The following SBF1 variants were observed in gnomAD, a reference collection of about 807,000 sequenced individuals.
SBF1 encodes the protein myotubularin-related protein 5.
Under a neutral mutation model 215.8 loss-of-function variants are expected in SBF1, and 65 were observed. That is an observed-to-expected ratio of 0.30 (90% CI 0.25 to 0.37). The LOEUF (loss-of-function observed/expected upper bound fraction) is 0.37. SBF1 is among the 10% of genes least tolerant of loss of function. SBF1 has a pLI of 1.00. For synonymous variants in SBF1, 1,410 were observed against 1,122.8 expected (o/e 1.26, Z -5.11); for missense variants, 2,634 against 2,667.8 (o/e 0.99, Z 0.28).
chr22:50,461,709 G>C lies in SBF1; in HGVS notation c.2653C>G (p.Leu885Val). 1 of 1,608,494 alleles carries C rather than the reference G, an allele frequency of 6.2e-7. No individual in the cohort carries two copies. The highest frequency in any genetic ancestry group is 1.1e-5 in the South Asian group (1 of 90,970). The change falls in exon 22 of 41, where the codon CTG becomes GTG. Residue 885 changes from leucine (L) to valine (V), a missense_variant. Physicochemically the swap from Leu to Val is conservative, Grantham distance 32. Coordinates refer to ENST00000380817, the MANE Select transcript of SBF1 (RefSeq NM_002972.4). ...TCACCCGGCAGCAGGCGCGGCCGCAGCAGCTTGGGCTGCTCGAAAACAAGA... is the reference window on the plus strand; with the variant it reads ...TCACCCGGCAGCAGGCGCGGCCGCACCAGCTTGGGCTGCTCGAAAACAAGA... ...RLPPIQKPKL[L>V]RPRLLPGEEC... is the part of the protein sequence containing the mutation.
In SBF1 at chr22:50,446,837, GTTCTAGAAACTCGCC is replaced by G. The variant is rs2148547165; in HGVS notation, c.*290_*304del. The G allele has an allele frequency of 1.4e-6, 1 of 717,902 alleles. No homozygotes were observed. Among genetic ancestry groups the G allele is most frequent in the South Asian group, 1.4e-5 (1 of 72,302 alleles). 44.5% of individuals were successfully genotyped at this position (717,902 alleles called of 1,614,324 possible). A position where few individuals can be genotyped will look rare whatever the true frequency, so the allele number is the denominator to read the frequency against. ...TAGTTCTCTCTTTATATAGACTCTG[GTTCTAGAAACTCGCC>G]TGCAGCCGCTGGCTGGACCAGCACA... On this transcript the variant is annotated 3_prime_UTR_variant, in exon 41 of 41. Coordinates refer to ENST00000380817, the MANE Select transcript of SBF1 (RefSeq NM_002972.4).
chr22:50,463,495 A>G, intron 15 of SBF1, 63 bp from the exon 16 acceptor site: 6 of 1,475,680 alleles, frequency 4.1e-6, no homozygotes, highest in Non-Finnish European at 5.4e-6. Flanking sequence ...GGGCCCTGGC[A>G]GGGAGGGCAG....
At chr22:50,455,177 C>T (rs374891073) in intron 33 of SBF1, 35 bp from the exon 34 acceptor site, 13 of 1,613,782 alleles carry the variant, frequency 8.1e-6, no homozygotes, top group East Asian at 4.5e-5. Context: ...CAGGGCTCAG[C>T]GGTCAGGGTG....
At chr22:50,461,036 G>A (rs2067486096) in intron 23 of SBF1, 123 bp downstream of exon 23, 17 of 1,290,188 alleles carry the variant, frequency 1.3e-5, no homozygotes, top group South Asian at 3.1e-5. Flanking sequence ...CCCCAGACAT[G>A]CAAGCGTAAC....
In SBF1 at chr22:50,452,613, C is replaced by T. The variant is rs538628748; in HGVS notation, c.5043+1899G>A. Among the ~76,000 whole-genome samples, 13 of 148,852 alleles carry T rather than the reference C, an allele frequency of 8.7e-5. No homozygotes were observed. In the South Asian group the frequency reaches 2.8e-3, roughly 32 times the overall value. ...TGGTGGGTGCCTCTAATCCCAGCTACTTGGGAGGCTGAGACAGGAGAATCA... is the reference window on the plus strand; with the variant it reads ...TGGTGGGTGCCTCTAATCCCAGCTATTTGGGAGGCTGAGACAGGAGAATCA... On this transcript the variant is annotated intron_variant, in intron 36 of 40. Transcript: ENST00000380817.
chr22:50,466,905 G>A (rs931821054), intron 5 of SBF1, 195 bp from the exon 6 acceptor site: 6 of 576,486 alleles, frequency 1.0e-5, no homozygotes, highest in African/African-American at 9.4e-5. Flanking sequence ...GAAAACTCAG[G>A]ACAGGAGTGG....
intron 31 of SBF1, 152 bp downstream of exon 31, chr22:50,456,059 CCTTCT>C: frequency 2.5e-6 from 2 of 788,902 alleles, no homozygotes; most frequent in South Asian, 3.8e-5. Context: ...CTCCCAGCTG[CCTTCT>C]AGGCACCAGA....
chr22:50,454,802 G>T lies in SBF1; in HGVS notation c.4812+12C>A, dbSNP rs751262386. ...GGCAGGAGCCGCCTACCCGACCCAG[G>T]CCCCAGCTTACCTCTGCGTCCTCGG... On this transcript the variant is annotated intron_variant, in intron 35 of 40. Coordinates refer to ENST00000380817, the MANE Select transcript of SBF1 (RefSeq NM_002972.4). 5 of 1,613,442 alleles carry T rather than the reference G, an allele frequency of 3.1e-6. No homozygotes were observed. The highest frequency in any genetic ancestry group is 4.2e-6 in the Non-Finnish European group (5 of 1,179,768).
At chr22:50,447,655 G>GCCAAGC (rs2066886473) in intron 38 of SBF1, 46 bp from the exon 39 acceptor site, 1 of 1,410,642 alleles carries the variant, frequency 7.1e-7, no homozygotes, top group Non-Finnish European at 9.9e-7. Flanking sequence ...TCATGGCCCA[G>GCCAAGC]CCAAGCCCAG....
chr22:50,461,682 C>T lies in SBF1; in HGVS notation c.2680G>A (p.Glu894Lys), dbSNP rs1314478133. 1 of 1,609,946 alleles carries T rather than the reference C, an allele frequency of 6.2e-7. No homozygotes were observed. The change falls in exon 22 of 41, where the codon GAG (glutamate) becomes AAG (lysine). Residue 894 changes from glutamate (E) to lysine (K), a missense_variant. By Grantham distance (56) the Glu-to-Lys change is moderately conservative. Coordinates refer to ENST00000380817, the MANE Select transcript of SBF1 (RefSeq NM_002972.4). Reference sequence around the variant, plus strand: ...ACGCGCAGGCCGTCCAGCACACACTCCTCACCCGGCAGCAGGCGCGGCCGC... The same window carrying T: ...ACGCGCAGGCCGTCCAGCACACACTTCTCACCCGGCAGCAGGCGCGGCCGC... ...LLRPRLLPGEECVLDGLRVYL... is the reference protein window; with the variant it reads ...LLRPRLLPGEKCVLDGLRVYL...
intron 36 of SBF1, among the ~76,000 whole-genome samples, chr22:50,452,744 A>C (rs1323498522): frequency 6.6e-6 from 1 of 150,940 alleles, no homozygotes; most frequent in Non-Finnish European, 1.5e-5. Context: ...AAAAAAAAAA[A>C]AAAAAAACCA....
At chr22:50,449,157 A>G (rs1381335988) in intron 36 of SBF1, among the ~76,000 whole-genome samples, 1 of 151,694 alleles carries the variant, frequency 6.6e-6, no homozygotes, top group Non-Finnish European at 1.5e-5. Flanking sequence ...GGGCAACAAG[A>G]GCAAAACTGC....
intron 1 of SBF1, 105 bp from the exon 2 acceptor site, chr22:50,468,566 G>A: frequency 1.3e-6 from 1 of 743,424 alleles, no homozygotes; most frequent in Non-Finnish European, 2.1e-6. Flanking sequence ...GCCCTCATCT[G>A]GCACCAGATC....
At chr22:50,455,941 C>T in intron 31 of SBF1, 1 of 558,452 alleles carries the variant, frequency 1.8e-6, no homozygotes, top group Non-Finnish European at 3.2e-6. Flanking sequence ...CCATAAACTG[C>T]ATCCCCCGTG....
At chr22:50,468,311 G>T in intron 2 of SBF1, 65 bp downstream of exon 2, 1 of 1,474,160 alleles carries the variant, frequency 6.8e-7, no homozygotes, top group Non-Finnish European at 9.4e-7. Flanking sequence ...TCAGGGACAA[G>T]GGCAGGGCTG....
rs2066822438 is a variant in SBF1 at position 50,446,487 on chromosome 22, C to T, written c.*655G>A. The T allele has an allele frequency of 4.4e-6, 1 of 225,822 alleles. No homozygotes were observed. The highest frequency in any genetic ancestry group is 9.1e-6 in the Non-Finnish European group (1 of 110,192). The allele number at this position is 225,822 out of a possible 1,614,324, so 14.0% of individuals were successfully genotyped here. ...CAAATGACCACCCACCCTTTCACCC[C>T]CAAGCCTCTGTGAGGTCAGCTTCTG... On this transcript the variant is annotated 3_prime_UTR_variant, in exon 41 of 41. Coordinates refer to ENST00000380817, the MANE Select transcript of SBF1 (RefSeq NM_002972.4).
In SBF1 at chr22:50,446,711, C is replaced by T; in HGVS notation, c.*431G>A. 1 of 413,628 alleles carries T rather than the reference C, an allele frequency of 2.4e-6. No homozygotes were observed. The highest frequency in any genetic ancestry group is 1.8e-5 in the South Asian group (1 of 54,606). The allele number at this position is 413,628 out of a possible 1,614,324, so 25.6% of individuals were successfully genotyped here. ...GAGAGGCTCACGAGAAAGATGCCAA[C>T]CTCCCGCCAGGTGGGCCTGGATAGG... is the stretch of plus-strand genomic sequence containing the variant. On this transcript the variant is annotated 3_prime_UTR_variant, in exon 41 of 41. Coordinates refer to ENST00000380817, the MANE Select transcript of SBF1 (RefSeq NM_002972.4).
rs766238049 is a variant in SBF1 at position 50,454,950 on chromosome 22, C to T, written c.4682-6G>A. On this transcript the variant is annotated splice_region_variant and splice_polypyrimidine_tract_variant and intron_variant, in intron 34 of 40. Transcript: ENST00000380817. Reference sequence around the variant, plus strand: ...CTTCTCCTCATACAGCAGCCCTGCACAGAAGCAGCACTGAGCCTGGGCCCC... The same window carrying T: ...CTTCTCCTCATACAGCAGCCCTGCATAGAAGCAGCACTGAGCCTGGGCCCC... 22 of 1,613,900 alleles carry T rather than the reference C, an allele frequency of 1.4e-5. No individual in the cohort carries two copies. The highest frequency in any genetic ancestry group is 3.4e-6 in the Non-Finnish European group (4 of 1,180,026).
At chr22:50,459,166 C>G in intron 28 of SBF1, 89 bp downstream of exon 28, 1 of 1,488,836 alleles carries the variant, frequency 6.7e-7, no homozygotes, top group Non-Finnish European at 9.0e-7. Context: ...GCCGTTTCTG[C>G]TCCTCCCTGG....
Sources: allele counts gnomAD v4.1 joint callset (sites outside exome capture counted in the v4.1 genomes callset), GRCh38; gene constraint gnomAD v4.1.1; transcripts MANE v1.5; gene names NCBI Gene and HGNC (gene_info 2026-07-23, HGNC 2026-07-21).